Variants in ZNF385D observed in about 807,000 individuals in gnomAD.
ZNF385D encodes the protein zinc finger protein 659.
In ZNF385D, 15 loss-of-function variants were observed where a neutral mutation model predicts 35.8. That is an observed-to-expected ratio of 0.42 (90% CI 0.28 to 0.64). ZNF385D has a LOEUF of 0.64. ZNF385D is among the 30% of genes least tolerant of loss of function. The pLI is 0.23. For synonymous variants in ZNF385D, 212 were observed against 186.8 expected (o/e 1.13, Z -1.10); for missense variants, 474 against 494.6 (o/e 0.96, Z 0.39).
intron 3 of ZNF385D, among the ~76,000 whole-genome samples, chr3:21,764,248 GC>G (rs2125593079): frequency 6.6e-6 from 1 of 152,272 alleles, no homozygotes; most frequent in East Asian, 1.9e-4. Flanking sequence ...GCTAGAAGAT[GC>G]TCAATAAGGA....
intron 2 of ZNF385D, among the ~76,000 whole-genome samples, chr3:22,235,730 A>C (rs1372102669): frequency 6.6e-6 from 1 of 152,130 alleles, no homozygotes; most frequent in African/African-American, 2.4e-5. Context: ...TTATCCACTT[A>C]TCAAAGATTA....
At chr3:21,424,183 A>C in intron 6 of ZNF385D, 119 bp from the exon 7 acceptor site, 1 of 841,964 alleles carries the variant, frequency 1.2e-6, no homozygotes, top group East Asian at 3.2e-5. Flanking sequence ...AGAAAGACAA[A>C]AATAAAAGAT....
At chr3:21,504,088 A>G (rs1393121536) in intron 4 of ZNF385D, among the ~76,000 whole-genome samples, 1 of 152,160 alleles carries the variant, frequency 6.6e-6, no homozygotes, top group Non-Finnish European at 1.5e-5. Flanking sequence ...GAGACGTGAT[A>G]AAGAGAATTA....
intron 2 of ZNF385D, among the ~76,000 whole-genome samples, chr3:22,303,054 G>A (rs1559508201): frequency 6.6e-6 from 1 of 151,992 alleles, no homozygotes; most frequent in East Asian, 1.9e-4. Flanking sequence ...CATTCTGCTA[G>A]GATAACATAA....
At chr3:22,133,168 G>C (rs998222609) in intron 3 of ZNF385D, among the ~76,000 whole-genome samples, 16 of 152,172 alleles carry the variant, frequency 1.1e-4, no homozygotes, top group African/African-American at 3.9e-4. Context: ...ACCCTTCCTG[G>C]AGATATAAAC....
chr3:21,613,782 ACT>A (rs1342529323), intron 2 of ZNF385D, among the ~76,000 whole-genome samples: 3 of 152,176 alleles, frequency 2.0e-5, no homozygotes, highest in Non-Finnish European at 4.4e-5. Context: ...GGGAACAGAC[ACT>A]CTTAATCCAC....
intron 2 of ZNF385D, among the ~76,000 whole-genome samples, chr3:22,301,634 A>C (rs1224550984): frequency 6.6e-6 from 1 of 152,088 alleles, no homozygotes; most frequent in African/African-American, 2.4e-5. Context: ...TAAAGAAAAA[A>C]GTCTAGGTAC....
intron 3 of ZNF385D, among the ~76,000 whole-genome samples, chr3:21,969,896 C>G (rs1474228880): frequency 4.6e-5 from 7 of 152,132 alleles, no homozygotes; most frequent in African/African-American, 1.7e-4. Flanking sequence ...AGTAAGGGAG[C>G]AGAACAAGAG....
intron 3 of ZNF385D, among the ~76,000 whole-genome samples, chr3:21,531,111 A>G (rs1048166588): frequency 1.3e-5 from 2 of 152,212 alleles, no homozygotes; most frequent in African/African-American, 4.8e-5. Flanking sequence ...GTGATGATAC[A>G]TAGAGCAATC....
chr3:22,098,223 G>T (rs914300137), intron 3 of ZNF385D, among the ~76,000 whole-genome samples: 2 of 151,934 alleles, frequency 1.3e-5, no homozygotes, highest in African/African-American at 2.4e-5. Context: ...TTGCATCATG[G>T]ACAAAAATAT....
At chr3:21,809,392 A>G (rs1224323441) in intron 3 of ZNF385D, among the ~76,000 whole-genome samples, 2 of 151,980 alleles carry the variant, frequency 1.3e-5, no homozygotes. Context: ...CAAAAAATAT[A>G]TAATATTGTC....
Position 22,084,340 on chromosome 3 carries a change from T to G in ZNF385D, c.325+84477A>C, listed in dbSNP as rs142310227. ...GTACTGTATTCAGGAGACCCACTCATGTGCAGAGACACATACACACTCAAA... is the reference window on the plus strand; with the variant it reads ...GTACTGTATTCAGGAGACCCACTCAGGTGCAGAGACACATACACACTCAAA... On this transcript the variant is annotated intron_variant, in intron 3 of 5. Coordinates refer to the ZNF385D transcript ENST00000494108. Among the ~76,000 whole-genome samples, 440 of 152,236 alleles carry G rather than the reference T, an allele frequency of 2.9e-3. 3 individuals are homozygous for G. Among genetic ancestry groups the G allele is most frequent in the Non-Finnish European group, 7.8e-4 (53 of 68,020 alleles).
chr3:21,881,690 C>T (rs1462637560), intron 3 of ZNF385D, among the ~76,000 whole-genome samples: 1 of 151,954 alleles, frequency 6.6e-6, no homozygotes, highest in Non-Finnish European at 1.5e-5. Context: ...CTATAGTTGC[C>T]ATTCTAGTGA....
intron 3 of ZNF385D, among the ~76,000 whole-genome samples, chr3:22,057,528 G>C (rs1005837928): frequency 1.5e-4 from 14 of 90,566 alleles, no homozygotes; most frequent in African/African-American, 5.7e-4. Flanking sequence ...TTTTTTTTTT[G>C]AGACAGAGTC....
intron 3 of ZNF385D, among the ~76,000 whole-genome samples, chr3:21,998,923 G>C (rs1228522717): frequency 3.3e-5 from 5 of 152,070 alleles, no homozygotes; most frequent in Non-Finnish European, 5.9e-5. Context: ...TATTAAAGCA[G>C]AAATTTTCTT....
At chr3:21,908,154 CTATCTATCTA>C (rs1559743459) in intron 3 of ZNF385D, among the ~76,000 whole-genome samples, 3 of 150,660 alleles carry the variant, frequency 2.0e-5, no homozygotes, top group Non-Finnish European at 3.0e-5. Context: ...ATCTATCTAT[CTATCTATCTA>C]TCTATCTATA....
chr3:21,980,969 A>G (rs992440876), intron 3 of ZNF385D, among the ~76,000 whole-genome samples: 4 of 152,056 alleles, frequency 2.6e-5, no homozygotes, highest in Admixed American at 2.6e-4. Context: ...ATCTGTCTTT[A>G]GTAGGCATTT....
intron 4 of ZNF385D, among the ~76,000 whole-genome samples, chr3:21,461,454 A>G (rs1480939311): frequency 6.6e-6 from 1 of 152,058 alleles, no homozygotes; most frequent in Admixed American, 6.6e-5. Context: ...AGGCTGAGGC[A>G]GGAGAATCGT....
chr3:22,372,103 G>A (rs938673344), intron 2 of ZNF385D, among the ~76,000 whole-genome samples: 5 of 152,024 alleles, frequency 3.3e-5, no homozygotes, highest in African/African-American at 7.2e-5. Flanking sequence ...ACTCTGGACA[G>A]AACCAGGCTG....
Sources: allele counts gnomAD v4.1 joint callset (sites outside exome capture counted in the v4.1 genomes callset), GRCh38; gene constraint gnomAD v4.1.1; transcripts MANE v1.5; gene names NCBI Gene and HGNC (gene_info 2026-07-23, HGNC 2026-07-21).